CALN1: variants seen among roughly 807,000 people sequenced by gnomAD.
The protein encoded by CALN1 is calneuron 1.
CALN1 carries 17 observed loss-of-function variants against 30.6 expected under a neutral mutation model. The ratio of observed to expected loss-of-function variants is 0.56; its 90% CI spans 0.38 to 0.83. The LOEUF (loss-of-function observed/expected upper bound fraction) is 0.83, where lower values mean the gene tolerates loss of function less well. Among genes scored for constraint, CALN1 ranks in the 40% least tolerant of loss-of-function variants. The pLI is 0.00. For synonymous variants in CALN1, 156 were observed against 131.4 expected (o/e 1.19, Z -1.28); for missense variants, 291 against 354.9 (o/e 0.82, Z 1.45).
chr7:72,462,785 C>T, the CALN1 span, among the ~76,000 whole-genome samples: 1 of 152,204 alleles, frequency 6.6e-6, no homozygotes, highest in South Asian at 2.1e-4. Flanking sequence ...ATGGGTTACA[C>T]CCCTGGGTTC....
intron 5 of CALN1, among the ~76,000 whole-genome samples, chr7:71,872,773 C>T (rs990841507): frequency 1.3e-5 from 2 of 151,506 alleles, no homozygotes; most frequent in Non-Finnish European, 2.9e-5. Context: ...GCCACCATGC[C>T]CAGCTAATTT....
intron 3 of CALN1, among the ~76,000 whole-genome samples, chr7:72,182,193 G>C (rs1417765659): frequency 6.6e-6 from 1 of 152,170 alleles, no homozygotes; most frequent in Non-Finnish European, 1.5e-5. Context: ...CCAGGGAGCA[G>C]ACGCAGCTGG....
At chr7:72,177,615 A>T (rs995113964) in intron 3 of CALN1, among the ~76,000 whole-genome samples, 1 of 151,968 alleles carries the variant, frequency 6.6e-6, no homozygotes, top group African/African-American at 2.4e-5. Flanking sequence ...AAATACAAAA[A>T]TTAGCTGGGC....
intron 2 of CALN1, among the ~76,000 whole-genome samples, chr7:72,324,893 T>C (rs908882518): frequency 3.3e-5 from 5 of 152,320 alleles, no homozygotes; most frequent in African/African-American, 1.2e-4. Context: ...CTCAAATTTT[T>C]CCCTGTTGCC....
intron 4 of CALN1, among the ~76,000 whole-genome samples, chr7:72,033,740 T>G (rs994745258): frequency 1.3e-5 from 2 of 152,136 alleles, no homozygotes; most frequent in African/African-American, 2.4e-5. Context: ...CAAGGCAGGC[T>G]GAGGGGCTCA....
intron 3 of CALN1, among the ~76,000 whole-genome samples, chr7:72,107,030 AAAAG>A (rs1255942833): frequency 2.0e-5 from 3 of 151,664 alleles, no homozygotes; most frequent in Non-Finnish European, 2.9e-5. Context: ...GAAAAAAAGA[AAAAG>A]AAAGAAAGAA....
At chr7:72,336,188 G>A (rs937850549) in intron 2 of CALN1, among the ~76,000 whole-genome samples, 6 of 152,066 alleles carry the variant, frequency 3.9e-5, no homozygotes, top group Non-Finnish European at 5.9e-5. Flanking sequence ...GCCGGAGGTG[G>A]AGAGAACCCT....
chr7:71,965,265 A>G (rs939313769), intron 5 of CALN1, among the ~76,000 whole-genome samples: 4 of 152,288 alleles, frequency 2.6e-5, no homozygotes, highest in Middle Eastern at 3.4e-3. Context: ...TCCTGGGCTC[A>G]GGTGATCCTC....
At chr7:72,442,511 G>C (rs1808380166) in intron 1 of CALN1, among the ~76,000 whole-genome samples, 1 of 152,070 alleles carries the variant, frequency 6.6e-6, no homozygotes, top group Non-Finnish European at 1.5e-5. Context: ...CACTTATTTA[G>C]GATTGCACTT....
intron 4 of CALN1, among the ~76,000 whole-genome samples, chr7:72,089,689 C>A (rs1227445828): frequency 6.6e-6 from 1 of 152,056 alleles, no homozygotes; most frequent in African/African-American, 2.4e-5. Flanking sequence ...TGGCAAAAAT[C>A]AACAGGACTC....
intron 3 of CALN1, among the ~76,000 whole-genome samples, chr7:72,195,771 TA>T: frequency 6.6e-6 from 1 of 152,298 alleles, no homozygotes; most frequent in African/African-American, 2.4e-5. Flanking sequence ...GTGAAGGAAT[TA>T]ATCAGTGGAG....
intron 2 of CALN1, among the ~76,000 whole-genome samples, chr7:72,395,079 A>G (rs966479688): frequency 2.0e-5 from 3 of 152,050 alleles, no homozygotes; most frequent in African/African-American, 7.2e-5. Context: ...TAACACATAA[A>G]CTCTATGGTA....
At chr7:72,108,644 T>C (rs1367060717) in intron 3 of CALN1, among the ~76,000 whole-genome samples, 1 of 152,128 alleles carries the variant, frequency 6.6e-6, no homozygotes. Context: ...TTAGGCAGAC[T>C]CCTGCCTTTC....
chr7:72,468,828 C>T, the CALN1 span, among the ~76,000 whole-genome samples: 2 of 152,184 alleles, frequency 1.3e-5, no homozygotes, highest in Non-Finnish European at 2.9e-5. Flanking sequence ...AGCATCTGTT[C>T]ATGTGCTTGT....
chr7:71,917,438 C>T (rs139922697), intron 5 of CALN1, among the ~76,000 whole-genome samples: 317 of 152,184 alleles, frequency 2.1e-3, no homozygotes, highest in African/African-American at 3.3e-3. Context: ...TACATGCATA[C>T]GAAATGGTAA....
At chr7:72,397,761 A>T (rs1398522738) in intron 2 of CALN1, among the ~76,000 whole-genome samples, 2 of 109,124 alleles carry the variant, frequency 1.8e-5, no homozygotes, top group African/African-American at 6.5e-5. Flanking sequence ...CCTTGCTCCA[A>T]CCAAAGTGGG....
intron 5 of CALN1, among the ~76,000 whole-genome samples, chr7:71,871,074 C>G (rs1185364968): frequency 6.6e-6 from 1 of 152,028 alleles, no homozygotes; most frequent in Non-Finnish European, 1.5e-5. Flanking sequence ...AAAAGGTAAG[C>G]AAAATTGCAG....
chr7:71,859,791 C>T (rs1056382180), intron 5 of CALN1, among the ~76,000 whole-genome samples: 4 of 152,084 alleles, frequency 2.6e-5, no homozygotes, highest in African/African-American at 7.2e-5. Flanking sequence ...GTGTCAGAGG[C>T]GTGGGTACCA....
intron 5 of CALN1, among the ~76,000 whole-genome samples, chr7:71,993,421 G>GC (rs771614015): frequency 4.8e-4 from 72 of 151,234 alleles, no homozygotes; most frequent in Non-Finnish European, 8.5e-4. Flanking sequence ...AGCTATGATT[G>GC]CACCGCTGCA....
Sources: allele counts gnomAD v4.1 joint callset (sites outside exome capture counted in the v4.1 genomes callset), GRCh38; gene constraint gnomAD v4.1.1; transcripts MANE v1.5; gene names NCBI Gene and HGNC (gene_info 2026-07-23, HGNC 2026-07-21).